ANKH: variants seen among roughly 807,000 people sequenced by gnomAD.
The protein encoded by ANKH is ANKH inorganic pyrophosphate transport regulator.
A neutral mutation model predicts 49.0 loss-of-function variants in ANKH; 15 were observed. The ratio of observed to expected loss-of-function variants is 0.31; its 90% CI spans 0.20 to 0.47. The LOEUF (loss-of-function observed/expected upper bound fraction) is 0.47, where lower values mean the gene tolerates loss of function less well. ANKH is among the 20% of genes least tolerant of loss of function. ANKH has a pLI of 1.00. For missense variants in ANKH, 429 were observed against 652.0 expected, an observed-to-expected ratio of 0.66 and a Z score of 3.72; for synonymous variants, 273 against 260.0, an observed-to-expected ratio of 1.05 and a Z score of -0.48.
intron 9 of ANKH, among the ~76,000 whole-genome samples, chr5:14,715,339 G>A (rs1561020023): frequency 6.6e-6 from 1 of 152,278 alleles, no homozygotes; most frequent in East Asian, 1.9e-4. Context: ...CCATGTTGGT[G>A]AGGCTGGTCT....
At chr5:14,826,110 AATAACCAT>A (rs1741334358) in intron 1 of ANKH, 3 of 153,940 alleles carry the variant, frequency 1.9e-5, no homozygotes, top group Non-Finnish European at 4.4e-5. Context: ...TGGTTAACCT[AATAACCAT>A]AGCATGTTTC....
At chr5:14,838,347 G>A (rs1299062609) in intron 1 of ANKH, among the ~76,000 whole-genome samples, 1 of 151,430 alleles carries the variant, frequency 6.6e-6, no homozygotes, top group Non-Finnish European at 1.5e-5. Flanking sequence ...TAATAAACCT[G>A]CACATTGTGC....
intron 1 of ANKH, among the ~76,000 whole-genome samples, chr5:14,821,794 C>T (rs945170030): frequency 1.3e-5 from 2 of 151,648 alleles, no homozygotes; most frequent in African/African-American, 4.8e-5. Context: ...GATAAATGAG[C>T]GAAAAAAAGG....
rs1471296498 is a variant in ANKH, at chr5:14,850,871, T to G, written c.96+20481A>C. Among the ~76,000 whole-genome samples, 8 of 146,418 alleles carry G rather than the reference T, an allele frequency of 5.5e-5. No individual in the cohort carries two copies. In the East Asian group the frequency reaches 1.6e-3, roughly 29 times the overall value. ...TAAAGCCCAGAGAGCCCTCATCGAG[T>G]TTTTTTTTTTCTCCTGATGATTAGA... On this transcript the variant is annotated intron_variant, in intron 1 of 11. Transcript: ENST00000284268.
chr5:14,861,788 G>A (rs1052733180), intron 1 of ANKH, among the ~76,000 whole-genome samples: 7 of 152,138 alleles, frequency 4.6e-5, no homozygotes, highest in Non-Finnish European at 7.3e-5. Flanking sequence ...ATCCTCCCCC[G>A]AACTAGGGAC....
At chr5:14,829,349 CT>C (rs1741440992) in intron 1 of ANKH, among the ~76,000 whole-genome samples, 1 of 152,128 alleles carries the variant, frequency 6.6e-6, no homozygotes, top group Non-Finnish European at 1.5e-5. Flanking sequence ...TGAAGTCCCC[CT>C]GTTCTCCTTC....
chr5:14,850,294 T>C (rs1742087962), intron 1 of ANKH, among the ~76,000 whole-genome samples: 1 of 152,208 alleles, frequency 6.6e-6, no homozygotes, highest in African/African-American at 2.4e-5. Flanking sequence ...TCCCTGCTGC[T>C]GGCCCTGAGC....
rs1169700294 is a variant in ANKH, at chr5:14,741,871, G to T, written c.967C>A (p.His323Asn). The T allele has an allele frequency of 2.5e-6, 4 of 1,614,112 alleles. No individual in the cohort carries two copies. Among genetic ancestry groups the T allele is most frequent in the Middle Eastern group, 1.6e-4 (1 of 6,062 alleles). The change falls in exon 8 of 12, where the codon CAC becomes AAC. Residue 323 changes from histidine (H) to asparagine (N), a missense_variant. Transcript: ENST00000284268. ...VSTSNTVTAA[H>N]IKKFTFVCMA... The stretch of plus-strand genomic sequence containing the variant: ...CAGACGAAGGTGAACTTCTTGATGT[G>T]GGCTGCCGTGACTGTGTTGCTCGTG...
intron 9 of ANKH, among the ~76,000 whole-genome samples, chr5:14,714,620 TA>T (rs1432126816): frequency 6.6e-6 from 1 of 152,176 alleles, no homozygotes; most frequent in African/African-American, 2.4e-5. Flanking sequence ...GTGGAAGCCT[TA>T]TATTAATACT....
chr5:14,718,853 A>T (rs1277242605), intron 8 of ANKH, among the ~76,000 whole-genome samples: 1 of 141,020 alleles, frequency 7.1e-6, no homozygotes, highest in Non-Finnish European at 1.6e-5. Context: ...AAAAAAAGAC[A>T]TAGAAAAAGA....
At chr5:14,742,109 A>T (rs1301302847) in intron 7 of ANKH, among the ~76,000 whole-genome samples, 187 bp from the exon 8 acceptor site, 1 of 152,164 alleles carries the variant, frequency 6.6e-6, no homozygotes, top group Admixed American at 6.5e-5. Flanking sequence ...CCTGTACAGG[A>T]TCATTAACCT....
intron 3 of ANKH, among the ~76,000 whole-genome samples, chr5:14,757,519 T>A (rs1360058738): frequency 6.9e-6 from 1 of 145,048 alleles, no homozygotes; most frequent in East Asian, 2.1e-4. Context: ...CTCCTCAGAA[T>A]CATGACAAAG....
intron 1 of ANKH, among the ~76,000 whole-genome samples, chr5:14,803,555 C>T (rs1212535917): frequency 6.6e-6 from 1 of 152,178 alleles, no homozygotes; most frequent in African/African-American, 2.4e-5. Flanking sequence ...ACTGGGATTA[C>T]AGGCATAAGC....
At position 14,715,320 on chromosome 5, in the gene ANKH, G is replaced by T. The variant is rs186273568; in HGVS notation, c.1141+1386C>A. ...CTAATTTTTTGTATTTAGTAGAGAC[G>T]GGGTTTCACCATGTTGGTGAGGCTG... On this transcript the variant is annotated intron_variant, in intron 9 of 11. Transcript: ENST00000284268. Among the ~76,000 whole-genome samples the T allele has an allele frequency of 2.2e-3, 341 of 152,280 alleles. 3 individuals carry two copies. Among genetic ancestry groups the T allele is most frequent in the African/African-American group, 8.0e-3 (332 of 41,550 alleles).
At chr5:14,861,884 C>T (rs1247006735) in intron 1 of ANKH, among the ~76,000 whole-genome samples, 1 of 152,184 alleles carries the variant, frequency 6.6e-6, no homozygotes, top group Non-Finnish European at 1.5e-5. Flanking sequence ...TAAATATTGT[C>T]CCCAACCTTT....
intron 8 of ANKH, among the ~76,000 whole-genome samples, chr5:14,730,908 G>A (rs1252432749): frequency 6.6e-6 from 1 of 152,234 alleles, no homozygotes; most frequent in African/African-American, 2.4e-5. Flanking sequence ...CTTTGCAATG[G>A]TGGGGTAGGC....
chr5:14,784,978 C>T (rs544989915), intron 1 of ANKH, among the ~76,000 whole-genome samples: 19 of 152,282 alleles, frequency 1.2e-4, no homozygotes, highest in South Asian at 6.2e-4. Flanking sequence ...CACTGGTCAG[C>T]GCTCTTCCAG....
At chr5:14,733,358 A>C (rs1359065593) in intron 8 of ANKH, among the ~76,000 whole-genome samples, 1 of 152,196 alleles carries the variant, frequency 6.6e-6, no homozygotes, top group East Asian at 1.9e-4. Flanking sequence ...CTGGGGACAC[A>C]GTAGTCAGCC....
chr5:14,812,316 C>G (rs542229271), intron 1 of ANKH, among the ~76,000 whole-genome samples: 1 of 151,960 alleles, frequency 6.6e-6, no homozygotes, highest in African/African-American at 2.4e-5. Flanking sequence ...GGGGACCATG[C>G]TCTCAAAACC....
Sources: gnomAD v4.1 joint callset for allele counts (sites outside exome capture counted in the v4.1 genomes callset) on GRCh38, gnomAD v4.1.1 for gene constraint, MANE v1.5 for transcripts, NCBI Gene and HGNC (gene_info 2026-07-23, HGNC 2026-07-21) for gene names.